MYO16: variants seen among roughly 807,000 people sequenced by gnomAD.
MYO16 encodes the protein unconventional myosin-XVI.
A neutral mutation model predicts 205.3 loss-of-function variants in MYO16; 94 were observed. The ratio of observed to expected loss-of-function variants is 0.46; its 90% CI spans 0.39 to 0.54. MYO16 has a LOEUF of 0.54. MYO16 is among the 20% of genes least tolerant of loss of function. The pLI is 0.00. For synonymous variants in MYO16, 988 were observed against 954.0 expected (o/e 1.04, Z -0.66); for missense variants, 2,315 against 2,387.5 (o/e 0.97, Z 0.63).
At chr13:108,677,592 A>C (rs943362321) in intron 2 of MYO16, among the ~76,000 whole-genome samples, 2 of 151,912 alleles carry the variant, frequency 1.3e-5, no homozygotes, top group African/African-American at 4.8e-5. Context: ...GGAAGGAATG[A>C]ATAATGGGTT....
intron 16 of MYO16, among the ~76,000 whole-genome samples, chr13:108,927,662 C>G (rs187691757): frequency 2.0e-5 from 3 of 152,372 alleles, no homozygotes; most frequent in South Asian, 4.1e-4. Context: ...GCCACATGCT[C>G]TGCAGCGTGT....
At chr13:108,762,374 T>G (rs1055446576) in intron 4 of MYO16, among the ~76,000 whole-genome samples, 2 of 152,240 alleles carry the variant, frequency 1.3e-5, no homozygotes, top group Admixed American at 6.5e-5. Context: ...GTGGGATTTT[T>G]GGATCAAATC....
intron 27 of MYO16, among the ~76,000 whole-genome samples, chr13:109,064,974 G>A (rs1887700088): frequency 6.6e-6 from 1 of 152,172 alleles, no homozygotes; most frequent in Non-Finnish European, 1.5e-5. Flanking sequence ...AGCTAACTGG[G>A]ATTAGTGGGC....
intron 4 of MYO16, among the ~76,000 whole-genome samples, chr13:108,769,183 A>G (rs1232365866): frequency 6.6e-6 from 1 of 152,202 alleles, no homozygotes; most frequent in Non-Finnish European, 1.5e-5. Context: ...GTAAGGGAAT[A>G]TGAAGTGAGG....
chr13:108,935,024 GCC>G (rs1187645179), intron 16 of MYO16, among the ~76,000 whole-genome samples: 2 of 152,096 alleles, frequency 1.3e-5, no homozygotes, highest in Admixed American at 1.3e-4. Flanking sequence ...GGTTACTCTA[GCC>G]TTAGAGTATA....
chr13:109,162,572 G>A lies in MYO16; in HGVS notation c.5165-2329G>A, dbSNP rs898740379. ...GTTTTCCACTTACTAGGTTTTCCACGTAGCTGTGAGTCCACCACGTTTAAT... is the reference window on the plus strand; with the variant it reads ...GTTTTCCACTTACTAGGTTTTCCACATAGCTGTGAGTCCACCACGTTTAAT... On this transcript the variant is annotated intron_variant, in intron 32 of 34. Coordinates refer to ENST00000457511, the MANE Select transcript of MYO16 (RefSeq NM_001198950.3). This position sits in a 1 kb window ranked among gnomAD's most constrained non-coding sequence, Gnocchi z 4.6. Among the ~76,000 whole-genome samples the A allele has an allele frequency of 8.5e-5, 13 of 152,232 alleles. No homozygotes were observed. The highest frequency in any genetic ancestry group is 6.2e-4 in the South Asian group (3 of 4,822).
At chr13:108,695,112 C>T (rs188441744) in intron 2 of MYO16, among the ~76,000 whole-genome samples, 233 of 152,226 alleles carry the variant, frequency 1.5e-3, no homozygotes, top group Admixed American at 4.4e-3. Flanking sequence ...AACTCCGTTT[C>T]AAAAAACAAA....
At chr13:108,932,360 A>G (rs1423307809) in intron 16 of MYO16, among the ~76,000 whole-genome samples, 1 of 151,932 alleles carries the variant, frequency 6.6e-6, no homozygotes, top group African/African-American at 2.4e-5. Flanking sequence ...TTATTTCTCC[A>G]TGTTTTGTGG....
intron 27 of MYO16, among the ~76,000 whole-genome samples, chr13:109,074,831 A>G (rs1021546825): frequency 5.9e-5 from 9 of 152,184 alleles, no homozygotes; most frequent in African/African-American, 2.2e-4. Context: ...CCATGATCCA[A>G]ACACTTTCAA....
chr13:108,709,305 C>T (rs1883634756), intron 2 of MYO16, among the ~76,000 whole-genome samples: 2 of 152,084 alleles, frequency 1.3e-5, no homozygotes, highest in Non-Finnish European at 2.9e-5. Flanking sequence ...GGGTAATTTC[C>T]CACACAATTA....
At chr13:109,019,977 T>G in intron 23 of MYO16, 66 bp downstream of exon 23, 54 of 1,467,092 alleles carry the variant, frequency 3.7e-5, no homozygotes, top group Non-Finnish European at 4.6e-5. Flanking sequence ...GGACAAGCTC[T>G]AGAGTTATTG....
intron 1 of MYO16, among the ~76,000 whole-genome samples, chr13:108,610,601 T>C (rs1368581213): frequency 1.3e-5 from 2 of 152,190 alleles, no homozygotes; most frequent in Admixed American, 6.5e-5. Context: ...AAGCGTGCGA[T>C]GTCGAAGTTA....
chr13:109,126,579 A>G (rs752916940), intron 30 of MYO16, among the ~76,000 whole-genome samples: 8 of 152,182 alleles, frequency 5.3e-5, no homozygotes, highest in East Asian at 1.9e-4. Flanking sequence ...GGCCACCCCA[A>G]TTTCTCAATT....
At chr13:108,995,966 AC>A (rs1884988490) in intron 21 of MYO16, among the ~76,000 whole-genome samples, 1 of 152,170 alleles carries the variant, frequency 6.6e-6, no homozygotes, top group South Asian at 2.1e-4. Context: ...AAATAGGAAC[AC>A]TTTTACACTG....
At chr13:108,626,195 G>A (rs912924958), upstream of MYO16, among the ~76,000 whole-genome samples, 2 of 152,054 alleles carry the variant, frequency 1.3e-5, no homozygotes, top group Non-Finnish European at 2.9e-5. Flanking sequence ...CAGAAATAGT[G>A]TGAATAATGA....
intron 23 of MYO16, among the ~76,000 whole-genome samples, chr13:109,031,678 G>A (rs1886551097): frequency 1.3e-5 from 2 of 152,176 alleles, no homozygotes; most frequent in South Asian, 2.1e-4. Context: ...ACACAATTCA[G>A]AAGATGTAAT....
chr13:108,618,136 C>T (rs1306733339), intron 1 of MYO16, among the ~76,000 whole-genome samples: 2 of 152,170 alleles, frequency 1.3e-5, no homozygotes, highest in Non-Finnish European at 2.9e-5. Flanking sequence ...AGTTTCCTTG[C>T]TGTCCATCTT....
At chr13:108,987,239 C>T (rs1181574556) in intron 20 of MYO16, among the ~76,000 whole-genome samples, 1 of 152,204 alleles carries the variant, frequency 6.6e-6, no homozygotes, top group African/African-American at 2.4e-5. Flanking sequence ...TGGTTACTCC[C>T]AGCCTCTAGT....
upstream of MYO16, among the ~76,000 whole-genome samples, chr13:108,626,455 T>C (rs1879739410): frequency 6.6e-6 from 1 of 152,214 alleles, no homozygotes; most frequent in Non-Finnish European, 1.5e-5. Context: ...GCTAACCATA[T>C]ATTTAATTTA....
Sources: allele counts gnomAD v4.1 joint callset (sites outside exome capture counted in the v4.1 genomes callset), GRCh38; gene constraint gnomAD v4.1.1; non-coding constraint Gnocchi (gnomAD v3.1); transcripts MANE v1.5; gene names NCBI Gene and HGNC (gene_info 2026-07-23, HGNC 2026-07-21).